TMEM230: variants seen among roughly 807,000 people sequenced by gnomAD.
TMEM230 encodes UPF0414 transmembrane protein C20orf30.
TMEM230 carries 10 observed loss-of-function variants against 15.8 expected under a neutral mutation model. The ratio of observed to expected loss-of-function variants is 0.63; its 90% CI spans 0.39 to 1.07. The LOEUF (loss-of-function observed/expected upper bound fraction) is 1.07. Among genes scored for constraint, TMEM230 ranks in the 50% least tolerant of loss-of-function variants. TMEM230 has a pLI of 0.01. For synonymous variants in TMEM230, 67 were observed against 76.9 expected (o/e 0.87, Z 0.68); for missense variants, 165 against 193.3 (o/e 0.85, Z 0.87).
downstream of TMEM230, among the ~76,000 whole-genome samples, chr20:5,097,406 T>C (rs1432872859): frequency 6.6e-6 from 1 of 152,196 alleles, no homozygotes; most frequent in Non-Finnish European, 1.5e-5. Flanking sequence ...ATAAGAGTTG[T>C]TGCAAATAAG....
chr20:5,099,838 T>C, downstream of TMEM230: 1 of 955,188 alleles, frequency 1.0e-6, no homozygotes, highest in Non-Finnish European at 1.2e-6. Flanking sequence ...ATCATTAAAA[T>C]GTTTTCTGAA....
downstream of TMEM230, among the ~76,000 whole-genome samples, chr20:5,098,777 A>G (rs925828525): frequency 6.6e-6 from 1 of 152,034 alleles, no homozygotes; most frequent in African/African-American, 2.4e-5. Context: ...ATCTCCATGG[A>G]TATGGAAAGA....
At chr20:5,084,462 T>A (rs1238350629) in intron 3 of TMEM230, among the ~76,000 whole-genome samples, 3 of 151,888 alleles carry the variant, frequency 2.0e-5, no homozygotes, top group Non-Finnish European at 4.4e-5. Flanking sequence ...GACCTCGTGA[T>A]CCACCCACCT....
downstream of TMEM230, among the ~76,000 whole-genome samples, chr20:5,099,306 C>T (rs374503836): frequency 1.8e-4 from 28 of 152,158 alleles, no homozygotes; most frequent in Middle Eastern, 3.4e-3. Context: ...GAGCTTTGCT[C>T]GGCAACCACT....
intron 3 of TMEM230, among the ~76,000 whole-genome samples, chr20:5,084,679 G>A (rs373686767): frequency 1.3e-5 from 2 of 152,210 alleles, no homozygotes; most frequent in East Asian, 3.9e-4. Context: ...AACTACAGGC[G>A]TGTGCCACCA....
chr20:5,091,529 G>T (rs1364978501), intron 3 of TMEM230, among the ~76,000 whole-genome samples: 1 of 151,648 alleles, frequency 6.6e-6, no homozygotes, highest in East Asian at 1.9e-4. Flanking sequence ...TATTTTTGTT[G>T]TTTTTTTTCT....
chr20:5,095,463 G>T (rs990164317), downstream of TMEM230, among the ~76,000 whole-genome samples: 5 of 152,166 alleles, frequency 3.3e-5, no homozygotes, highest in African/African-American at 1.2e-4. Context: ...CACAAAAAAT[G>T]ATCTTCACAA....
chr20:5,064,533 G>A (rs1002006315), downstream of TMEM230, among the ~76,000 whole-genome samples: 1 of 150,100 alleles, frequency 6.7e-6, no homozygotes, highest in African/African-American at 2.5e-5. Context: ...CCAAGATCAC[G>A]CCATTGCACT....
chr20:5,069,427 A>C, intron 3 of TMEM230: 3 of 1,422,334 alleles, frequency 2.1e-6, no homozygotes, highest in Non-Finnish European at 2.8e-6. Flanking sequence ...ATTGTCAAGA[A>C]ATCACATCTT....
rs556966217 is a variant in TMEM230 at position 5,108,420 on chromosome 20, C to CAA, written c.288+910_288+911dup. 1.4e-4 allele frequency among the ~76,000 whole-genome samples: 11 copies of CAA among 79,836 alleles called. No homozygotes were observed. In the East Asian group the frequency reaches 2.5e-3, roughly 18 times the overall value. 52.4% of individuals were successfully genotyped at this position (79,836 alleles called of 152,430 possible). A position where few individuals can be genotyped will look rare whatever the true frequency, so the allele number is the denominator to read the frequency against. ...GGAAACAAGACTAAAACTCCGTCTC[C>CAA]AAAAAAAAAAAAAAAAAAGGAAAAG... is the stretch of plus-strand genomic sequence containing the variant. On this transcript the variant is annotated intron_variant, in intron 3 of 4. Coordinates refer to ENST00000342308, the MANE Select transcript of TMEM230 (RefSeq NM_001009923.2).
chr20:5,079,691 C>T (rs762983960), intron 3 of TMEM230, among the ~76,000 whole-genome samples: 1 of 152,040 alleles, frequency 6.6e-6, no homozygotes, highest in Non-Finnish European at 1.5e-5. Context: ...AATGGTCACT[C>T]ACGACTGAAA....
At chr20:5,091,101 C>T (rs924283002) in intron 3 of TMEM230, among the ~76,000 whole-genome samples, 5 of 152,114 alleles carry the variant, frequency 3.3e-5, no homozygotes, top group South Asian at 2.1e-4. Context: ...TGGACTCAAG[C>T]GAACCTCCCA....
At chr20:5,112,707 T>A in intron 1 of TMEM230, 1 of 1,425,148 alleles carries the variant, frequency 7.0e-7, no homozygotes, top group East Asian at 2.6e-5. Context: ...ACACAGTGCC[T>A]GGCATTACGC....
At chr20:5,082,002 T>C (rs569714664) in intron 3 of TMEM230, among the ~76,000 whole-genome samples, 8 of 150,292 alleles carry the variant, frequency 5.3e-5, no homozygotes, top group Admixed American at 4.7e-4. Flanking sequence ...GCCTCCCGGG[T>C]AGCTGGGATT....
chr20:5,075,490 GAGGGTGGATGGATC>G (rs1370751788), intron 3 of TMEM230, among the ~76,000 whole-genome samples: 1 of 151,848 alleles, frequency 6.6e-6, no homozygotes, highest in African/African-American at 2.4e-5. Context: ...TTGGGAGGCT[GAGGGTGGATGGATC>G]ACCTGAAGTC....
chr20:5,111,647 A>AAAAAAAAAAAAAAAAAAAAAAG (rs71197753), intron 1 of TMEM230: 1 of 165,442 alleles, frequency 6.0e-6, no homozygotes, highest in Admixed American at 7.7e-5. Flanking sequence ...AAAAAAAAAA[A>AAAAAAAAAAAAAAAAAAAAAAG]TTCAGTATTT....
chr20:5,059,686 T>G, the TMEM230 span, among the ~76,000 whole-genome samples: 1 of 151,562 alleles, frequency 6.6e-6, no homozygotes, highest in Non-Finnish European at 1.5e-5. Flanking sequence ...CATGGCTCAC[T>G]GCAGCCTCAA....
At chr20:5,104,147 T>C (rs1347365009) in intron 4 of TMEM230, among the ~76,000 whole-genome samples, 1 of 152,180 alleles carries the variant, frequency 6.6e-6, no homozygotes, top group African/African-American at 2.4e-5. Flanking sequence ...AATAGGTATA[T>C]GAAAAGGTGC....
chr20:5,101,967 G>A (rs2089887303), intron 4 of TMEM230, among the ~76,000 whole-genome samples: 1 of 152,194 alleles, frequency 6.6e-6, no homozygotes. Context: ...CTGACAGTAT[G>A]TCCATGGCAC....
Sources: allele counts gnomAD v4.1 joint callset (sites outside exome capture counted in the v4.1 genomes callset), GRCh38; gene constraint gnomAD v4.1.1; transcripts MANE v1.5; gene names NCBI Gene and HGNC (gene_info 2026-07-23, HGNC 2026-07-21).